TRAK1: variants seen among roughly 807,000 people sequenced by gnomAD.
The protein encoded by TRAK1 is trafficking kinesin-binding protein 1.
Under a neutral mutation model 92.1 loss-of-function variants are expected in TRAK1, and 33 were observed. That is an observed-to-expected ratio of 0.36 (90% CI 0.27 to 0.48). The LOEUF (loss-of-function observed/expected upper bound fraction) is 0.48. TRAK1 is among the 20% of genes least tolerant of loss of function. The pLI is 0.99. For synonymous variants in TRAK1, 521 were observed against 517.3 expected (o/e 1.01, Z -0.10); for missense variants, 1,123 against 1,257.9 (o/e 0.89, Z 1.62).
rs1576492837 is a variant in TRAK1 at position 42,126,923 on chromosome 3, G to A, written c.286+1309G>A. On this transcript the variant is annotated intron_variant, in intron 2 of 15. Coordinates refer to ENST00000327628, the MANE Select transcript of TRAK1 (RefSeq NM_001042646.3). ...ACCCTACAGAGTCTTTGTGAATACTGCAGATAATCAGTTTCAATATGGATA... is the reference window on the plus strand; with the variant it reads ...ACCCTACAGAGTCTTTGTGAATACTACAGATAATCAGTTTCAATATGGATA... Among the ~76,000 whole-genome samples the A allele has an allele frequency of 2.6e-5, 4 of 152,174 alleles. No homozygotes were observed. In the East Asian group the frequency reaches 7.7e-4, roughly 29 times the overall value.
intron 2 of TRAK1, among the ~76,000 whole-genome samples, chr3:42,159,352 A>G (rs1182400295): frequency 2.6e-5 from 4 of 152,162 alleles, no homozygotes; most frequent in African/African-American, 7.2e-5. Context: ...TGGCTGAAGC[A>G]CAGAGATTAC....
At chr3:42,106,281 C>T (rs550602396) in intron 1 of TRAK1, among the ~76,000 whole-genome samples, 17 of 152,166 alleles carry the variant, frequency 1.1e-4, no homozygotes, top group South Asian at 2.1e-4. Context: ...ACCCATCTCA[C>T]GTGCAGAGAC....
At chr3:42,062,854 G>T (rs932300510) in intron 1 of TRAK1, among the ~76,000 whole-genome samples, 1 of 152,194 alleles carries the variant, frequency 6.6e-6, no homozygotes, top group Non-Finnish European at 1.5e-5. Flanking sequence ...TGTTTTCCAG[G>T]CTCTGCACTG....
At chr3:42,093,953 C>G (rs1576310890) in intron 1 of TRAK1, among the ~76,000 whole-genome samples, 1 of 152,116 alleles carries the variant, frequency 6.6e-6, no homozygotes, top group East Asian at 1.9e-4. Flanking sequence ...GTCCGCCTGC[C>G]TAGGCCTCCC....
intron 2 of TRAK1, among the ~76,000 whole-genome samples, chr3:42,146,558 A>AT (rs1411065026): frequency 6.6e-6 from 1 of 151,852 alleles, no homozygotes; most frequent in African/African-American, 2.4e-5. Context: ...CCTTTATTTT[A>AT]TTTTTTTAGT....
rs189382228 is a variant in TRAK1, at chr3:42,190,177, G to A, written c.690+1053G>A. ...AATTTAGTACTGTTTGTCTTAATTA[G>A]TGGTGAGTTTCTGTTCTCTAGCCGA... is the stretch of plus-strand genomic sequence containing the variant. On this transcript the variant is annotated intron_variant, in intron 6 of 15. Coordinates refer to ENST00000327628, the MANE Select transcript of TRAK1 (RefSeq NM_001042646.3). Among the ~76,000 whole-genome samples the A allele has an allele frequency of 3.6e-4, 55 of 152,278 alleles. 1 individual carries two copies. The East Asian group carries it at 9.5e-3, about 26-fold the overall frequency.
intron 1 of TRAK1, among the ~76,000 whole-genome samples, chr3:42,024,919 C>T (rs1227956639): frequency 6.6e-6 from 1 of 152,174 alleles, no homozygotes; most frequent in African/African-American, 2.4e-5. Context: ...CTTCCAATTG[C>T]TAGGGATACC....
At chr3:42,091,188 A>T (rs1452610947), upstream of TRAK1, 2 of 397,950 alleles carry the variant, frequency 5.0e-6, no homozygotes, top group East Asian at 1.1e-4. Flanking sequence ...TCTCCTTGCT[A>T]CTCCCCTTCC....
chr3:42,197,458 C>A (rs1462970608), intron 10 of TRAK1, among the ~76,000 whole-genome samples: 3 of 151,770 alleles, frequency 2.0e-5, no homozygotes, highest in Non-Finnish European at 4.4e-5. Flanking sequence ...TTTTTTTTCC[C>A]CCCAAATTTT....
intron 11 of TRAK1, among the ~76,000 whole-genome samples, 184 bp downstream of exon 11, chr3:42,199,437 T>C (rs1418692820): frequency 1.3e-5 from 2 of 152,106 alleles, no homozygotes; most frequent in African/African-American, 4.8e-5. Context: ...CTTATTATCT[T>C]TTGTTAGTGT....
intron 1 of TRAK1, among the ~76,000 whole-genome samples, chr3:42,026,866 CCTT>C (rs536467415): frequency 4.1e-4 from 63 of 152,098 alleles, no homozygotes; most frequent in African/African-American, 1.4e-3. Flanking sequence ...TGTAGACCCT[CCTT>C]CTCCCCTCAT....
At chr3:42,220,176 C>A (rs1420056511) in intron 15 of TRAK1, among the ~76,000 whole-genome samples, 1 of 152,064 alleles carries the variant, frequency 6.6e-6, no homozygotes, top group African/African-American at 2.4e-5. Context: ...CTGGAATAGG[C>A]CCCAGGAACC....
chr3:42,210,161 T>C, intron 14 of TRAK1, 176 bp downstream of exon 14: 2 of 1,593,662 alleles, frequency 1.3e-6, no homozygotes, highest in Non-Finnish European at 1.7e-6. Flanking sequence ...ACTTGGCACC[T>C]TTCCCGGAGG....
chr3:42,095,604 A>G (rs2148988943), intron 1 of TRAK1, among the ~76,000 whole-genome samples: 1 of 152,290 alleles, frequency 6.6e-6, no homozygotes, highest in Non-Finnish European at 1.5e-5. Flanking sequence ...ACCATATCCT[A>G]TTCCTTGATC....
intron 1 of TRAK1, among the ~76,000 whole-genome samples, chr3:42,119,976 G>A (rs1189209110): frequency 6.6e-6 from 1 of 152,076 alleles, no homozygotes; most frequent in African/African-American, 2.4e-5. Flanking sequence ...TGAGATGGGA[G>A]GGTCATTTGA....
At chr3:42,084,624 A>C (rs76813024), upstream of TRAK1, among the ~76,000 whole-genome samples, 4,859 of 151,840 alleles carry the variant, frequency 0.032, 282 homozygotes, top group African/African-American at 0.11. Context: ...GTGAATTCCC[A>C]TCCTGGACCC....
At chr3:42,045,960 A>C (rs888085519) in intron 1 of TRAK1, among the ~76,000 whole-genome samples, 3 of 152,238 alleles carry the variant, frequency 2.0e-5, no homozygotes, top group African/African-American at 7.2e-5. Context: ...ATAATTGCCT[A>C]TTAGCATATA....
At chr3:42,039,056 C>T (rs1409070521) in intron 1 of TRAK1, among the ~76,000 whole-genome samples, 1 of 152,066 alleles carries the variant, frequency 6.6e-6, no homozygotes, top group African/African-American at 2.4e-5. Context: ...AACATAATCC[C>T]ATTCTCATTA....
At chr3:42,166,359 C>A (rs1036487092) in intron 2 of TRAK1, among the ~76,000 whole-genome samples, 6 of 152,072 alleles carry the variant, frequency 3.9e-5, no homozygotes, top group Non-Finnish European at 5.9e-5. Context: ...CCAGAGTGAA[C>A]CATGTGTTTA....
Sources: gnomAD v4.1 joint callset for allele counts (sites outside exome capture counted in the v4.1 genomes callset) on GRCh38, gnomAD v4.1.1 for gene constraint, MANE v1.5 for transcripts, NCBI Gene and HGNC (gene_info 2026-07-23, HGNC 2026-07-21) for gene names.